The following VPS37B variants were observed in gnomAD, a reference collection of about 807,000 sequenced individuals.
VPS37B encodes VPS37B subunit of ESCRT-I.
In VPS37B, 11 loss-of-function variants were observed where a neutral mutation model predicts 21.2. The observed-to-expected ratio is 0.52, with a 90% confidence interval of 0.33 to 0.86. The LOEUF (loss-of-function observed/expected upper bound fraction) is 0.86. VPS37B is among the 40% of genes least tolerant of loss of function. The probability of loss-of-function intolerance (pLI) is 0.03; values close to 1 mark genes in which losing one functional copy is unlikely to be tolerated. For synonymous variants in VPS37B, 175 were observed against 159.6 expected, an observed-to-expected ratio of 1.10 and a Z score of -0.73; for missense variants, 389 against 374.8, an observed-to-expected ratio of 1.04 and a Z score of -0.31.
Position 122,868,524 on chromosome 12 carries a change from C to T in VPS37B, c.322G>A (p.Ala108Thr). ...SSSASLETLL[A>T]LLQAEGAKIE... ...TTGGCCCCTTCTGCCTGAAGAAGTG[C>T]TAACAGGGTCTCCAAGGAAGCACTG... The change falls in exon 3 of 4, where the codon GCA becomes ACA. Residue 108 changes from alanine (A) to threonine (T), a missense_variant. Coordinates refer to ENST00000267202, the MANE Select transcript of VPS37B (RefSeq NM_024667.3). The surrounding 1 kb of genome is among the most constrained non-coding windows in gnomAD (Gnocchi z 5.5). The T allele has an allele frequency of 1.2e-6, 2 of 1,613,842 alleles. No individual in the cohort carries two copies. Among genetic ancestry groups the T allele is most frequent in the Non-Finnish European group, 1.7e-6 (2 of 1,179,936 alleles).
chr12:122,874,057 A>G (rs1566125886), intron 1 of VPS37B: 1 of 152,268 alleles, frequency 6.6e-6, no homozygotes, highest in Non-Finnish European at 1.5e-5. Flanking sequence ...GAAAGTCACT[A>G]GAGACTAAGT....
chr12:122,894,762 G>C (rs1024290851), intron 1 of VPS37B, among the ~76,000 whole-genome samples: 2 of 152,242 alleles, frequency 1.3e-5, no homozygotes, highest in Admixed American at 1.3e-4. Context: ...TCAGTTACCC[G>C]AGAGCAAACC....
At chr12:122,886,878 G>A (rs1252790637) in intron 1 of VPS37B, 1 of 152,164 alleles carries the variant, frequency 6.6e-6, no homozygotes, top group Non-Finnish European at 1.5e-5. Context: ...CTGACACTTA[G>A]GAAGGTTAAA....
chr12:122,868,944 G>A lies in VPS37B; in HGVS notation c.284-382C>T, dbSNP rs181404535. Among the ~76,000 whole-genome samples the A allele has an allele frequency of 1.3e-5, 2 of 151,976 alleles. No homozygotes were observed. The highest frequency in any genetic ancestry group is 6.5e-5 in the Admixed American group (1 of 15,268). On this transcript the variant is annotated intron_variant, in intron 2 of 3. Transcript: ENST00000267202. The surrounding 1 kb of genome is among the most constrained non-coding windows in gnomAD (Gnocchi z 5.5). Reference sequence around the variant, plus strand: ...GATCCAGACACAGAACCTTTCCACCGGGCGCCCTCACGCCCACTGCACCCG... The same window carrying A: ...GATCCAGACACAGAACCTTTCCACCAGGCGCCCTCACGCCCACTGCACCCG...
At chr12:122,872,603 A>G (rs1460937796) in intron 1 of VPS37B, 3 of 984,982 alleles carry the variant, frequency 3.0e-6, no homozygotes, top group Non-Finnish European at 3.6e-6. Context: ...CCCCACCCAC[A>G]GGGCGGCTCT....
intron 1 of VPS37B, chr12:122,880,956 A>G (rs1331872866): frequency 7.2e-5 from 11 of 152,200 alleles, no homozygotes; most frequent in Non-Finnish European, 1.5e-4. Flanking sequence ...GGTGCCATTC[A>G]CTTCGTACTG....
chr12:122,866,758 C>A lies in VPS37B; in HGVS notation c.*358G>T. Reference sequence around the variant, plus strand: ...TCGAAAATAAAATAAGTATCATGAACCATGCTCATTAAATAAAGCTGCAAC... The same window carrying A: ...TCGAAAATAAAATAAGTATCATGAAACATGCTCATTAAATAAAGCTGCAAC... On this transcript the variant is annotated 3_prime_UTR_variant, in exon 4 of 4. Transcript: ENST00000267202. The A allele has an allele frequency of 4.5e-6, 1 of 221,626 alleles. No homozygotes were observed. Among genetic ancestry groups the A allele is most frequent in the East Asian group, 9.9e-5 (1 of 10,112 alleles). 13.7% of individuals were successfully genotyped at this position (221,626 alleles called of 1,614,324 possible). A position where few individuals can be genotyped will look rare whatever the true frequency, so the allele number is the denominator to read the frequency against.
At chr12:122,872,215 GCACCA>G (rs2034053040) in intron 1 of VPS37B, 3 of 985,258 alleles carry the variant, frequency 3.0e-6, no homozygotes, top group African/African-American at 3.5e-5. Flanking sequence ...GAGTGCACAC[GCACCA>G]CACACACAAG....
intron 1 of VPS37B, chr12:122,872,420 A>C (rs2034057318): frequency 1.1e-5 from 11 of 985,426 alleles, no homozygotes; most frequent in Non-Finnish European, 1.3e-5. Context: ...GACAATGAAA[A>C]CCAAACCTCT....
intron 1 of VPS37B, chr12:122,875,072 T>TA (rs1283896556): frequency 6.6e-6 from 1 of 151,566 alleles, no homozygotes; most frequent in Non-Finnish European, 1.5e-5. Context: ...ACTTTTTTTT[T>TA]AAATTGAGAC....
chr12:122,891,170 G>T (rs1358440925), intron 1 of VPS37B, among the ~76,000 whole-genome samples: 1 of 152,208 alleles, frequency 6.6e-6, no homozygotes, highest in Non-Finnish European at 1.5e-5. Flanking sequence ...GGTATCAAAA[G>T]CCAGTTCTGA....
rs1053945163 is a variant in VPS37B at position 122,896,124 on chromosome 12, C to T, written c.-62G>A. 7.2e-7 allele frequency: 1 copy of T among 1,393,148 alleles called. No individual in the cohort carries two copies. 86.3% of individuals were successfully genotyped at this position (1,393,148 alleles called of 1,614,324 possible). The stretch of plus-strand genomic sequence containing the variant: ...GCCACCAGGCTCCGCCGACCGGAAG[C>T]GCCGCCCTCAAGGGCCGCCCCCCGC... On this transcript the variant is annotated 5_prime_UTR_variant, in exon 1 of 4. Transcript: ENST00000267202.
rs940312578 is a variant in VPS37B, at chr12:122,865,583, G to A, written c.*1533C>T. ...AAGCCCGCCTGACTGGCATGGCAGT[G>A]AATCGTCCTGTACAGCTTCATTTCC... On this transcript the variant is annotated 3_prime_UTR_variant, in exon 4 of 4. Transcript: ENST00000267202. The A allele has an allele frequency of 7.8e-5, 11 of 141,008 alleles. No homozygotes were observed. The highest frequency in any genetic ancestry group is 1.3e-4 in the Non-Finnish European group (8 of 63,972). 8.7% of individuals were successfully genotyped at this position (141,008 alleles called of 1,614,324 possible).
intron 1 of VPS37B, among the ~76,000 whole-genome samples, chr12:122,890,495 C>A (rs1226239331): frequency 6.6e-6 from 1 of 152,076 alleles, no homozygotes; most frequent in Non-Finnish European, 1.5e-5. Flanking sequence ...CTATGCCCAG[C>A]TAATTTATTT....
intron 1 of VPS37B, among the ~76,000 whole-genome samples, chr12:122,893,611 C>G (rs767587800): frequency 1.3e-5 from 2 of 152,152 alleles, no homozygotes; most frequent in Non-Finnish European, 2.9e-5. Context: ...AGGCACACCA[C>G]ACATGACCAG....
rs774226459 is a variant in VPS37B at position 122,867,348 on chromosome 12, G to T, written c.626C>A (p.Pro209His). The change falls in exon 4 of 4, where the codon CCC (proline) becomes CAC (histidine). Residue 209 changes from proline (P) to histidine (H), a missense_variant. By Grantham distance (77) the Pro-to-His change is moderately conservative. Coordinates refer to ENST00000267202, the MANE Select transcript of VPS37B (RefSeq NM_024667.3). The surrounding 1 kb of genome is among the most constrained non-coding windows in gnomAD (Gnocchi z 5.5). ...TCCCGCAGGCACCGGGGGTGGTGGG[G>T]GGGGGATGCGCCGAGGTGCAACGGC... is the stretch of plus-strand genomic sequence containing the variant. ...PPAVAPRRIPPPPPPVPAGRL... is the reference protein window; with the variant it reads ...PPAVAPRRIPHPPPPVPAGRL... 5.6e-6 allele frequency: 9 copies of T among 1,599,048 alleles called. No homozygotes were observed. The highest frequency in any genetic ancestry group is 1.3e-5 in the African/African-American group (1 of 74,112).
At chr12:122,892,373 A>G (rs2034426696) in intron 1 of VPS37B, among the ~76,000 whole-genome samples, 1 of 152,224 alleles carries the variant, frequency 6.6e-6, no homozygotes. Context: ...GTGACGCATA[A>G]TGAACAGCTG....
chr12:122,870,742 A>C, intron 2 of VPS37B, 148 bp downstream of exon 2: 2 of 777,882 alleles, frequency 2.6e-6, no homozygotes, highest in Non-Finnish European at 4.0e-6. Flanking sequence ...TAAATAAATA[A>C]TATACATAAG....
In VPS37B at chr12:122,868,482, C is replaced by T; in HGVS notation, c.364G>A (p.Glu122Lys). The T allele has an allele frequency of 6.2e-7, 1 of 1,612,906 alleles. No individual in the cohort carries two copies. Among genetic ancestry groups the T allele is most frequent in the Non-Finnish European group, 8.5e-7 (1 of 1,179,756 alleles). Reference sequence around the variant, plus strand: ...CCACCAAGGCTGGTGGGCTTTACCTCAGTGTCTTCCTCAATCTTGGCCCCT... The same window carrying T: ...CCACCAAGGCTGGTGGGCTTTACCTTAGTGTCTTCCTCAATCTTGGCCCCT... ...AEGAKIEEDT[E>K]NMAEKFLDGE... Residue 122 changes from glutamate to lysine, a missense_variant and splice_region_variant, in exon 3 of 4, where the codon GAG (glutamate) becomes AAG (lysine). Coordinates refer to ENST00000267202, the MANE Select transcript of VPS37B (RefSeq NM_024667.3). The surrounding 1 kb of genome is among the most constrained non-coding windows in gnomAD (Gnocchi z 5.5).
Sources: allele counts gnomAD v4.1 joint callset (sites outside exome capture counted in the v4.1 genomes callset), GRCh38; gene constraint gnomAD v4.1.1; non-coding constraint Gnocchi (gnomAD v3.1); transcripts MANE v1.5; gene names NCBI Gene and HGNC (gene_info 2026-07-23, HGNC 2026-07-21).